MGST2: variants seen among roughly 807,000 people sequenced by gnomAD.
MGST2 encodes the protein glutathione peroxidase MGST2.
MGST2 carries 9 observed loss-of-function variants against 16.6 expected under a neutral mutation model. The ratio of observed to expected loss-of-function variants is 0.54; its 90% CI spans 0.33 to 0.95. The LOEUF (loss-of-function observed/expected upper bound fraction) is 0.95, where lower values mean the gene tolerates loss of function less well. MGST2 is among the 40% of genes least tolerant of loss of function. The pLI is 0.03. For missense variants in MGST2, 159 were observed against 175.1 expected, an observed-to-expected ratio of 0.91 and a Z score of 0.52; for synonymous variants, 79 against 68.0, an observed-to-expected ratio of 1.16 and a Z score of -0.79.
intron 5 of MGST2, among the ~76,000 whole-genome samples, chr4:139,728,013 C>T (rs1334108696): frequency 6.6e-6 from 1 of 152,104 alleles, no homozygotes; most frequent in Non-Finnish European, 1.5e-5. Context: ...CCCAGGAGTT[C>T]GAGACCAGCC....
At chr4:139,746,891 G>A in the MGST2 span, among the ~76,000 whole-genome samples, 1 of 152,170 alleles carries the variant, frequency 6.6e-6, no homozygotes, top group East Asian at 1.9e-4. Flanking sequence ...GGAGAATCGG[G>A]TGGGAGGGGG....
In MGST2 at chr4:139,737,036, C is replaced by T. The variant is rs536230445; in HGVS notation, c.*49-3176C>T. Among the ~76,000 whole-genome samples, 21 of 152,290 alleles carry T rather than the reference C, an allele frequency of 1.4e-4. 1 individual carries two copies. The South Asian group carries it at 4.4e-3, about 32-fold the overall frequency. ...AAGGAGCCAATTCTTCCAGGACGGA[C>T]TACTCCAGTTGCAACTGTGCTGTGG... is the stretch of plus-strand genomic sequence containing the variant. On this transcript the variant is annotated intron_variant, in intron 5 of 5. Coordinates refer to the MGST2 transcript ENST00000616265.
chr4:139,734,193 C>T (rs1728836700), intron 5 of MGST2, among the ~76,000 whole-genome samples: 1 of 152,190 alleles, frequency 6.6e-6, no homozygotes. Context: ...CTTCTTTTAA[C>T]CTCCAGTCTC....
At chr4:139,685,968 G>C (rs1278806221) in intron 2 of MGST2, among the ~76,000 whole-genome samples, 1 of 152,202 alleles carries the variant, frequency 6.6e-6, no homozygotes, top group Non-Finnish European at 1.5e-5. Flanking sequence ...CCAGCCTGAA[G>C]AGATTTATTC....
rs373441548 is a variant in MGST2, at chr4:139,719,920, C to T, written c.*48+15724C>T. 2.8e-4 allele frequency: 456 copies of T among 1,614,084 alleles called. 1 individual carries two copies. Among genetic ancestry groups the T allele is most frequent in the Middle Eastern group, 1.2e-3 (7 of 6,062 alleles). On this transcript the variant is annotated intron_variant, in intron 5 of 5. Coordinates refer to the MGST2 transcript ENST00000616265. ...GCCTTGGAGGGGCTTGGGGCCTAGG[C>T]AAGGCCTGGCCTACTGGCCCTTTCA...
chr4:139,720,020 T>C, intron 5 of MGST2: 2 of 1,614,078 alleles, frequency 1.2e-6, no homozygotes, highest in East Asian at 2.2e-5. Flanking sequence ...TCCAACCCCC[T>C]GCCCAGAGGC....
intron 1 of MGST2, among the ~76,000 whole-genome samples, chr4:139,667,079 C>T (rs1404783310): frequency 2.6e-5 from 4 of 152,110 alleles, no homozygotes; most frequent in African/African-American, 7.2e-5. Context: ...AGACAAATTA[C>T]ATTTAACTGA....
chr4:139,671,834 G>A (rs1199001756), intron 1 of MGST2, among the ~76,000 whole-genome samples: 1 of 152,058 alleles, frequency 6.6e-6, no homozygotes, highest in East Asian at 1.9e-4. Context: ...TAGAGATGGG[G>A]TTTCACCGTG....
intron 5 of MGST2, among the ~76,000 whole-genome samples, chr4:139,722,512 C>CT (rs1728276905): frequency 6.6e-6 from 1 of 152,110 alleles, no homozygotes. Context: ...ACACTGTAAT[C>CT]TAATTTTCTT....
the MGST2 span, among the ~76,000 whole-genome samples, chr4:139,748,869 G>A: frequency 6.6e-6 from 1 of 152,110 alleles, no homozygotes; most frequent in Non-Finnish European, 1.5e-5. Flanking sequence ...AACTCAACCC[G>A]GCTTTGTTTT....
At chr4:139,691,874 A>G (rs1311210156) in intron 2 of MGST2, among the ~76,000 whole-genome samples, 1 of 151,800 alleles carries the variant, frequency 6.6e-6, no homozygotes, top group Non-Finnish European at 1.5e-5. Flanking sequence ...AATTTTTTAT[A>G]TTTTTTAAGT....
At chr4:139,672,300 CAAG>C (rs957033393) in intron 1 of MGST2, among the ~76,000 whole-genome samples, 1 of 152,174 alleles carries the variant, frequency 6.6e-6, no homozygotes. Flanking sequence ...TAGGTGGAAA[CAAG>C]AAGACTTGCC....
chr4:139,672,020 C>A (rs1169845575), intron 1 of MGST2, among the ~76,000 whole-genome samples: 1 of 152,140 alleles, frequency 6.6e-6, no homozygotes, highest in African/African-American at 2.4e-5. Context: ...GGGCTTCTAT[C>A]CCTTGGGGCT....
At chr4:139,691,082 A>G (rs941060278) in intron 2 of MGST2, among the ~76,000 whole-genome samples, 8 of 152,208 alleles carry the variant, frequency 5.3e-5, no homozygotes, top group African/African-American at 1.9e-4. Flanking sequence ...TTCAATATCA[A>G]AGGAGCAGGG....
chr4:139,687,427 A>G (rs928565410), intron 2 of MGST2, among the ~76,000 whole-genome samples: 1 of 152,216 alleles, frequency 6.6e-6, no homozygotes, highest in African/African-American at 2.4e-5. Flanking sequence ...TTAGAGCAGA[A>G]TTCCCTGGGA....
At chr4:139,736,123 C>T (rs1265913375) in intron 5 of MGST2, among the ~76,000 whole-genome samples, 2 of 151,814 alleles carry the variant, frequency 1.3e-5, no homozygotes, top group East Asian at 3.9e-4. Flanking sequence ...CATACACACA[C>T]ACTCACTCAC....
chr4:139,671,352 C>T (rs1730683100), intron 1 of MGST2, among the ~76,000 whole-genome samples: 1 of 151,856 alleles, frequency 6.6e-6, no homozygotes, highest in Non-Finnish European at 1.5e-5. Context: ...GAAAGACAGG[C>T]AAAGCAAAAG....
In MGST2 at chr4:139,714,358, A is replaced by G. The variant is rs546468466; in HGVS notation, c.*48+10162A>G. 6.6e-5 allele frequency among the ~76,000 whole-genome samples: 10 copies of G among 152,298 alleles called. No homozygotes were observed. The South Asian group carries it at 1.4e-3, about 22-fold the overall frequency. On this transcript the variant is annotated intron_variant, in intron 5 of 5. Transcript: ENST00000616265. ...TCCCCCCATTCATTTAACTATTTGC[A>G]CACAGAGACAGAAGCCAGAAATCTG...
At chr4:139,676,316 A>G (rs1325175057) in intron 1 of MGST2, among the ~76,000 whole-genome samples, 1 of 152,154 alleles carries the variant, frequency 6.6e-6, no homozygotes, top group African/African-American at 2.4e-5. Context: ...CTGTTGATGG[A>G]TACTCTTGTG....
Sources: gnomAD v4.1 joint callset for allele counts (sites outside exome capture counted in the v4.1 genomes callset) on GRCh38, gnomAD v4.1.1 for gene constraint, MANE v1.5 for transcripts, NCBI Gene and HGNC (gene_info 2026-07-23, HGNC 2026-07-21) for gene names.